The following CISTR variants were observed in gnomAD, a reference collection of about 807,000 sequenced individuals.
The protein encoded by CISTR is chondrogenesis-associated transcript, also known as chondrogenic regulator lncRNA.
chr12:53,755,638 T>C (rs944034019), intron 1 of CISTR, among the ~76,000 whole-genome samples: 1 of 152,200 alleles, frequency 6.6e-6, no homozygotes, highest in Admixed American at 6.5e-5. Flanking sequence ...ATTAACCTCT[T>C]AAGTGTCCAC....
intron 1 of CISTR, among the ~76,000 whole-genome samples, chr12:53,752,232 C>A (rs1418450408): frequency 6.6e-6 from 1 of 152,180 alleles, no homozygotes; most frequent in Non-Finnish European, 1.5e-5. Context: ...TCCTTTGGGC[C>A]GTCTACCCTC....
At chr12:53,747,201 T>C (rs1298615422) in intron 2 of CISTR, among the ~76,000 whole-genome samples, 2 of 152,194 alleles carry the variant, frequency 1.3e-5, no homozygotes, top group Non-Finnish European at 2.9e-5. Flanking sequence ...CTGGGCTTCT[T>C]GGAAGTTGCA....
chr12:53,749,803 G>A (rs901802860), intron 2 of CISTR, among the ~76,000 whole-genome samples: 2 of 152,152 alleles, frequency 1.3e-5, no homozygotes, highest in African/African-American at 4.8e-5. Flanking sequence ...AGGCTGGAGA[G>A]TCAGGTGAGG....
At chr12:53,749,116 G>A (rs991677287) in intron 2 of CISTR, among the ~76,000 whole-genome samples, 1 of 151,990 alleles carries the variant, frequency 6.6e-6, no homozygotes, top group Non-Finnish European at 1.5e-5. Flanking sequence ...TGGGGTGTAG[G>A]GGAGAGAACA....
intron 2 of CISTR, among the ~76,000 whole-genome samples, chr12:53,747,964 C>T (rs1039855290): frequency 3.9e-5 from 6 of 152,186 alleles, no homozygotes; most frequent in Non-Finnish European, 7.3e-5. Context: ...CGGCTTCCCA[C>T]CTCTCCTCAT....
At chr12:53,754,665 C>G (rs1937895924) in intron 1 of CISTR, among the ~76,000 whole-genome samples, 1 of 152,156 alleles carries the variant, frequency 6.6e-6, no homozygotes, top group South Asian at 2.1e-4. Context: ...TAAAAATCAT[C>G]CTCCTCTTTG....
At chr12:53,753,229 C>T (rs1029768486) in intron 1 of CISTR, among the ~76,000 whole-genome samples, 5 of 152,172 alleles carry the variant, frequency 3.3e-5, no homozygotes, top group Admixed American at 1.3e-4. Context: ...GCACACCTTC[C>T]CCTGTGTGTG....
intron 2 of CISTR, among the ~76,000 whole-genome samples, chr12:53,746,899 A>G (rs1169454574): frequency 6.6e-6 from 1 of 152,224 alleles, no homozygotes. Context: ...TTCTAGCCGC[A>G]GCTTTCCCCC....
At chr12:53,748,984 T>TTG (rs139881232) in intron 2 of CISTR, among the ~76,000 whole-genome samples, 73 of 151,496 alleles carry the variant, frequency 4.8e-4, no homozygotes, top group African/African-American at 1.5e-3. Flanking sequence ...TGTGTGTGTG[T>TTG]TGTGTGTGTG....
At chr12:53,753,081 CACACACACAG>C (rs758134622) in intron 1 of CISTR, among the ~76,000 whole-genome samples, 8 of 124,304 alleles carry the variant, frequency 6.4e-5, no homozygotes, top group South Asian at 2.3e-4. Flanking sequence ...CACACACACA[CACACACACAG>C]AGAGAGACAC....
exon 2 of CISTR, chr12:53,750,670 T>G (rs981259057): frequency 3.4e-4 from 52 of 153,096 alleles, no homozygotes; most frequent in African/African-American, 1.2e-3. Context: ...TCTATCCATC[T>G]GTGTGACTGG....
intron 1 of CISTR, among the ~76,000 whole-genome samples, chr12:53,755,625 T>A (rs1384443488): frequency 1.3e-5 from 2 of 152,102 alleles, no homozygotes; most frequent in African/African-American, 4.8e-5. Flanking sequence ...CATTCTGAAC[T>A]TTATTAACCT....
At chr12:53,748,195 C>T (rs60728251) in intron 2 of CISTR, among the ~76,000 whole-genome samples, 23,762 of 152,070 alleles carry the variant, frequency 0.16, 2,658 homozygotes, top group East Asian at 0.53. Flanking sequence ...AGTCAGAGAC[C>T]GCGCTGCATC....
At chr12:53,749,876 G>T (rs1222005373) in intron 2 of CISTR, among the ~76,000 whole-genome samples, 1 of 152,122 alleles carries the variant, frequency 6.6e-6, no homozygotes, top group Non-Finnish European at 1.5e-5. Flanking sequence ...CATAGAGGAG[G>T]GTGTGCCCTC....
intron 2 of CISTR, among the ~76,000 whole-genome samples, chr12:53,748,238 C>T (rs1937804868): frequency 1.3e-5 from 2 of 152,186 alleles, no homozygotes; most frequent in Non-Finnish European, 2.9e-5. Flanking sequence ...CACCGCGGGC[C>T]GTCAATCTTC....
At chr12:53,746,724 A>T (rs985109813) in exon 3 of CISTR, among the ~76,000 whole-genome samples, 1 of 152,210 alleles carries the variant, frequency 6.6e-6, no homozygotes, top group Admixed American at 6.5e-5. Context: ...TCCAGACAGC[A>T]TCCAGGGCCG....
At position 53,751,553 on chromosome 12, in the gene CISTR, G is replaced by T. The variant is rs771853088; in HGVS notation, n.415-588C>A. On this transcript the variant is annotated intron_variant and non_coding_transcript_variant, in intron 1 of 2. Transcript: ENST00000669269. The surrounding 1 kb of genome is among the most constrained non-coding windows in gnomAD (Gnocchi z 4.6). ...TAAACGAGGCGCGCAGGACTCCCTG[G>T]TGGGCCCTCAGCCTCCTCCGCGCGG... is the stretch of plus-strand genomic sequence containing the variant. 6.6e-6 allele frequency among the ~76,000 whole-genome samples: 1 copy of T among 152,170 alleles called. No homozygotes were observed. The highest frequency in any genetic ancestry group is 2.4e-5 in the African/African-American group (1 of 41,444).
chr12:53,747,099 C>A (rs1435355500), intron 2 of CISTR, among the ~76,000 whole-genome samples: 1 of 152,184 alleles, frequency 6.6e-6, no homozygotes, highest in Non-Finnish European at 1.5e-5. Flanking sequence ...AGCCTACAAC[C>A]CTGTATTCCT....
intron 1 of CISTR, among the ~76,000 whole-genome samples, chr12:53,754,114 G>C (rs2120740336): frequency 6.6e-6 from 1 of 152,220 alleles, no homozygotes; most frequent in East Asian, 1.9e-4. Context: ...GGTGGGGATG[G>C]GGATGGATAA....
Sources: allele counts gnomAD v4.1 joint callset (sites outside exome capture counted in the v4.1 genomes callset), GRCh38; gene constraint gnomAD v4.1.1; non-coding constraint Gnocchi (gnomAD v3.1); transcripts MANE v1.5; gene names NCBI Gene and HGNC (gene_info 2026-07-23, HGNC 2026-07-21).